The following NRG1 variants were observed in gnomAD, a reference collection of about 807,000 sequenced individuals.
NRG1 encodes neuregulin 1, also known as pro-neuregulin-1, membrane-bound isoform.
Under a neutral mutation model 63.8 loss-of-function variants are expected in NRG1, and 18 were observed. The observed-to-expected ratio is 0.28, with a 90% CI of 0.19 to 0.42. NRG1 has a LOEUF of 0.42. Ranked by LOEUF, NRG1 falls within the 10% of genes least tolerant of loss-of-function variation. The pLI is 1.00. For synonymous variants in NRG1, 302 were observed against 301.3 expected (o/e 1.00, Z -0.02); for missense variants, 762 against 814.7 (o/e 0.94, Z 0.79).
At chr8:31,698,733 T>C (rs1389386579) in intron 1 of NRG1, among the ~76,000 whole-genome samples, 1 of 152,208 alleles carries the variant, frequency 6.6e-6, no homozygotes, top group East Asian at 1.9e-4. Flanking sequence ...TTGGCTTCTT[T>C]AGCAAGCAGC....
At chr8:31,860,019 G>A (rs776402) in intron 1 of NRG1, among the ~76,000 whole-genome samples, 5,100 of 152,232 alleles carry the variant, frequency 0.034, 267 homozygotes, top group African/African-American at 0.12. Context: ...GGCTTTCAAG[G>A]TTACTTGGGG....
At chr8:32,509,260 T>G (rs1828902320) in intron 1 of NRG1, among the ~76,000 whole-genome samples, 1 of 151,650 alleles carries the variant, frequency 6.6e-6, no homozygotes, top group African/African-American at 2.4e-5. Context: ...ACCCAGCTAA[T>G]TTTTGTATTT....
intron 1 of NRG1, among the ~76,000 whole-genome samples, chr8:32,475,480 A>AAT (rs1563515267): frequency 6.7e-6 from 1 of 149,978 alleles, no homozygotes; most frequent in Non-Finnish European, 1.5e-5. Flanking sequence ...AAAAAAAAAA[A>AAT]GTGCCTACTC....
chr8:32,722,508 C>T (rs187887969), intron 5 of NRG1, among the ~76,000 whole-genome samples: 4 of 152,206 alleles, frequency 2.6e-5, no homozygotes, highest in Non-Finnish European at 4.4e-5. Context: ...TATTTAGTAA[C>T]AAGCAGAGAA....
chr8:32,318,874 G>A (rs1002748383), intron 1 of NRG1, among the ~76,000 whole-genome samples: 2 of 152,086 alleles, frequency 1.3e-5, no homozygotes, highest in Non-Finnish European at 2.9e-5. Flanking sequence ...TCCCTTCTTA[G>A]TGACCGATTT....
intron 1 of NRG1, among the ~76,000 whole-genome samples, chr8:32,102,714 C>A (rs1227684736): frequency 6.6e-6 from 1 of 152,136 alleles, no homozygotes; most frequent in African/African-American, 2.4e-5. Flanking sequence ...TTGAATGTCA[C>A]AGGACCTGGA....
chr8:32,251,652 G>T (rs1359797656), intron 1 of NRG1, among the ~76,000 whole-genome samples: 2 of 152,102 alleles, frequency 1.3e-5, no homozygotes, highest in African/African-American at 4.8e-5. Flanking sequence ...CACAATGGTT[G>T]AACTAATTTA....
At chr8:32,620,697 C>T (rs1051906391) in intron 5 of NRG1, among the ~76,000 whole-genome samples, 1 of 151,790 alleles carries the variant, frequency 6.6e-6, no homozygotes, top group Non-Finnish European at 1.5e-5. Context: ...GGTGGCAGCC[C>T]TGAAGTCTCA....
intron 1 of NRG1, among the ~76,000 whole-genome samples, chr8:32,235,507 ATCT>A (rs776065302): frequency 1.1e-4 from 17 of 152,120 alleles, no homozygotes; most frequent in Non-Finnish European, 1.9e-4. Flanking sequence ...CATAAATAGC[ATCT>A]TCTTATAAAA....
At chr8:31,697,134 AG>A (rs1261106130) in intron 1 of NRG1, among the ~76,000 whole-genome samples, 3 of 152,184 alleles carry the variant, frequency 2.0e-5, no homozygotes, top group Non-Finnish European at 4.4e-5. Flanking sequence ...CCAGAATTCA[AG>A]GCCATTCATC....
At chr8:31,690,988 G>A (rs1003078089) in intron 1 of NRG1, among the ~76,000 whole-genome samples, 4 of 152,140 alleles carry the variant, frequency 2.6e-5, no homozygotes, top group South Asian at 2.1e-4. Flanking sequence ...CTGAGTGAAC[G>A]AAGAGACTGC....
chr8:32,410,114 T>C (rs1814682417), intron 1 of NRG1, among the ~76,000 whole-genome samples: 1 of 151,808 alleles, frequency 6.6e-6, no homozygotes, highest in Non-Finnish European at 1.5e-5. Flanking sequence ...AGACAGGAGA[T>C]TGGGCTAAGT....
chr8:32,584,715 G>A (rs1841309388), intron 1 of NRG1, among the ~76,000 whole-genome samples: 1 of 152,188 alleles, frequency 6.6e-6, no homozygotes, highest in South Asian at 2.1e-4. Context: ...AATTAGCTCT[G>A]CTAAAATTTT....
intron 1 of NRG1, among the ~76,000 whole-genome samples, chr8:31,859,940 T>C (rs1166884330): frequency 6.6e-6 from 1 of 152,186 alleles, no homozygotes; most frequent in African/African-American, 2.4e-5. Flanking sequence ...TAGTTTTTTT[T>C]CCCAGCTCAG....
chr8:32,034,031 T>C (rs1466827365), intron 1 of NRG1, among the ~76,000 whole-genome samples: 2 of 152,212 alleles, frequency 1.3e-5, no homozygotes, highest in Non-Finnish European at 2.9e-5. Flanking sequence ...TTGTGTTGGT[T>C]TTCAAGGGGA....
chr8:32,187,168 A>G (rs1163796003), intron 1 of NRG1, among the ~76,000 whole-genome samples: 2 of 152,190 alleles, frequency 1.3e-5, no homozygotes, highest in African/African-American at 4.8e-5. Flanking sequence ...TTGAATATTA[A>G]ATGTCACTTC....
At chr8:32,463,438 T>G (rs1456556905) in intron 1 of NRG1, among the ~76,000 whole-genome samples, 1 of 152,124 alleles carries the variant, frequency 6.6e-6, no homozygotes, top group African/African-American at 2.4e-5. Context: ...GTTCCCTTTA[T>G]TCTACACTCT....
At chr8:32,013,803 C>G (rs374748013) in intron 1 of NRG1, among the ~76,000 whole-genome samples, 8 of 152,118 alleles carry the variant, frequency 5.3e-5, no homozygotes, top group African/African-American at 1.9e-4. Context: ...TTAAGCTAAA[C>G]TGACATGATA....
chr8:31,795,263 C>G (rs972922139), intron 1 of NRG1, among the ~76,000 whole-genome samples: 1 of 152,136 alleles, frequency 6.6e-6, no homozygotes, highest in African/African-American at 2.4e-5. Flanking sequence ...ACAGGCGTGT[C>G]CCCTAATCGA....
Sources: allele counts gnomAD v4.1 joint callset (sites outside exome capture counted in the v4.1 genomes callset), GRCh38; gene constraint gnomAD v4.1.1; transcripts MANE v1.5; gene names NCBI Gene and HGNC (gene_info 2026-07-23, HGNC 2026-07-21).